The following CSMD1 variants were observed in gnomAD, a reference collection of about 807,000 sequenced individuals.
The protein encoded by CSMD1 is CUB and sushi domain-containing protein 1.
CSMD1 carries 213 observed loss-of-function variants against 417.5 expected under a neutral mutation model. The observed-to-expected ratio is 0.51, with a 90% CI of 0.46 to 0.57. The LOEUF is 0.57. CSMD1 is among the 20% of genes least tolerant of loss of function. The pLI is 0.00. For synonymous variants in CSMD1, 2,862 were observed against 1,736.8 expected (o/e 1.65, Z -16.11); for missense variants, 6,923 against 4,529.7 (o/e 1.53, Z -15.17).
intron 2 of CSMD1, among the ~76,000 whole-genome samples, chr8:4,596,462 T>C (rs952406092): frequency 2.6e-5 from 4 of 152,188 alleles, no homozygotes; most frequent in Non-Finnish European, 5.9e-5. Flanking sequence ...GCAAATAATT[T>C]TCATCATAGA....
chr8:3,212,016 C>A (rs1797641080), intron 30 of CSMD1, among the ~76,000 whole-genome samples: 1 of 152,142 alleles, frequency 6.6e-6, no homozygotes, highest in Non-Finnish European at 1.5e-5. Flanking sequence ...CCAAGTGACA[C>A]CCACTTCTTC....
chr8:4,040,316 A>T (rs1260892332), intron 3 of CSMD1, among the ~76,000 whole-genome samples: 1 of 152,220 alleles, frequency 6.6e-6, no homozygotes, highest in Non-Finnish European at 1.5e-5. Flanking sequence ...AGTCGTTTAT[A>T]TATATTGAGT....
chr8:3,428,854 T>G lies in CSMD1; in HGVS notation c.1562-19249A>C, dbSNP rs891108805. On this transcript the variant is annotated intron_variant, in intron 12 of 69. Coordinates refer to ENST00000635120, the MANE Select transcript of CSMD1 (RefSeq NM_033225.6). ...GGTAAAAATGTGGAATACTATTTGGTCATAAAAAAGAAAGAAATCCTGTCA... is the reference window on the plus strand; with the variant it reads ...GGTAAAAATGTGGAATACTATTTGGGCATAAAAAAGAAAGAAATCCTGTCA... Among the ~76,000 whole-genome samples, 90 of 152,100 alleles carry G rather than the reference T, an allele frequency of 5.9e-4. 1 individual carries two copies. Among genetic ancestry groups the G allele is most frequent in the Admixed American group, 2.1e-3 (32 of 15,266 alleles).
At chr8:3,754,599 C>T (rs1466774750) in intron 5 of CSMD1, among the ~76,000 whole-genome samples, 3 of 152,162 alleles carry the variant, frequency 2.0e-5, no homozygotes, top group African/African-American at 2.4e-5. Flanking sequence ...GGATTACAGG[C>T]ATGCGCCATC....
At chr8:4,743,406 G>A (rs1019457678) in intron 1 of CSMD1, among the ~76,000 whole-genome samples, 38 of 152,114 alleles carry the variant, frequency 2.5e-4, no homozygotes, top group African/African-American at 7.7e-4. Context: ...ACAGGGAGTG[G>A]TATCTTCAAA....
At chr8:3,702,810 C>T (rs913145553) in intron 7 of CSMD1, among the ~76,000 whole-genome samples, 11 of 152,174 alleles carry the variant, frequency 7.2e-5, no homozygotes, top group African/African-American at 2.7e-4. Context: ...GCCTGGGTGA[C>T]AGAACGAGAC....
intron 3 of CSMD1, among the ~76,000 whole-genome samples, chr8:4,033,176 C>T (rs1029978156): frequency 1.4e-5 from 2 of 144,998 alleles, no homozygotes; most frequent in African/African-American, 2.5e-5. Flanking sequence ...CACGGTAGCT[C>T]ACGCCTGTAG....
intron 49 of CSMD1, among the ~76,000 whole-genome samples, chr8:3,071,139 G>A (rs1373280341): frequency 6.6e-6 from 1 of 152,174 alleles, no homozygotes; most frequent in Non-Finnish European, 1.5e-5. Context: ...AGCCATGAAG[G>A]ATCCACCCGC....
chr8:3,861,418 A>C (rs941448258), intron 5 of CSMD1, among the ~76,000 whole-genome samples: 2 of 152,204 alleles, frequency 1.3e-5, no homozygotes, highest in East Asian at 1.9e-4. Flanking sequence ...CTGATTGGTA[A>C]ATTGCATCTG....
intron 3 of CSMD1, among the ~76,000 whole-genome samples, chr8:4,363,508 G>T (rs1003903682): frequency 6.6e-6 from 1 of 152,100 alleles, no homozygotes; most frequent in African/African-American, 2.4e-5. Context: ...TACTTTTATT[G>T]TTTGCAAAGC....
intron 1 of CSMD1, among the ~76,000 whole-genome samples, chr8:4,974,401 A>G (rs1257138660): frequency 6.6e-6 from 1 of 152,126 alleles, no homozygotes; most frequent in Non-Finnish European, 1.5e-5. Context: ...ATTATCTCCA[A>G]TATTTATATT....
chr8:3,733,722 T>C (rs1796385720), intron 6 of CSMD1, among the ~76,000 whole-genome samples: 1 of 152,092 alleles, frequency 6.6e-6, no homozygotes, highest in African/African-American at 2.4e-5. Flanking sequence ...TGGACGCCCA[T>C]GGGGTTGTGG....
chr8:4,738,903 T>TTGTGCGTGTGTGTGTGTGTG (rs1810418634), intron 1 of CSMD1, among the ~76,000 whole-genome samples: 1 of 147,396 alleles, frequency 6.8e-6, no homozygotes. Context: ...TTCTGTGTGT[T>TTGTGCGTGTGTGTGTGTGTG]TGTGTGTGTG....
At chr8:3,930,749 G>A (rs972112645) in intron 5 of CSMD1, among the ~76,000 whole-genome samples, 1 of 150,416 alleles carries the variant, frequency 6.6e-6, no homozygotes, top group Non-Finnish European at 1.5e-5. Context: ...ATGTTCAAGT[G>A]CTACTTCTTT....
intron 3 of CSMD1, among the ~76,000 whole-genome samples, chr8:4,147,929 C>G (rs575327793): frequency 1.3e-5 from 2 of 152,060 alleles, no homozygotes; most frequent in East Asian, 3.9e-4. Flanking sequence ...GCAGCACAAA[C>G]TCTGGGGTGC....
chr8:3,566,808 G>C lies in CSMD1; in HGVS notation c.1344+8137C>G, dbSNP rs189820636. 1.9e-3 allele frequency among the ~76,000 whole-genome samples: 283 copies of C among 152,292 alleles called. 1 individual carries two copies. The Middle Eastern group carries it at 0.02, about 11-fold the overall frequency. On this transcript the variant is annotated intron_variant, in intron 10 of 69. Transcript: ENST00000635120. ...TGCTGGTGAGGTTGTGGAGAAAAAG[G>C]AACACTTATACACTGTTGGTGAGAG...
intron 10 of CSMD1, among the ~76,000 whole-genome samples, chr8:3,561,927 T>G (rs7816336): frequency 3.0e-4 from 46 of 151,908 alleles, no homozygotes; most frequent in Non-Finnish European, 1.0e-4. Flanking sequence ...AAGCGAGGGA[T>G]GCAGATGATC....
intron 2 of CSMD1, among the ~76,000 whole-genome samples, chr8:4,444,832 C>G (rs1230004580): frequency 6.6e-6 from 1 of 152,200 alleles, no homozygotes; most frequent in African/African-American, 2.4e-5. Context: ...CACAAGCCTT[C>G]AGGTGCAAAT....
chr8:3,042,922 GAT>G (rs140142266), intron 50 of CSMD1, among the ~76,000 whole-genome samples: 1 of 150,438 alleles, frequency 6.6e-6, no homozygotes, highest in African/African-American at 2.5e-5. Context: ...TCACTATGGT[GAT>G]ATATATATAG....
Sources: gnomAD v4.1 joint callset for allele counts (sites outside exome capture counted in the v4.1 genomes callset) on GRCh38, gnomAD v4.1.1 for gene constraint, MANE v1.5 for transcripts, NCBI Gene and HGNC (gene_info 2026-07-23, HGNC 2026-07-21) for gene names.